The following SLC36A1 variants were observed in gnomAD, a reference collection of about 807,000 sequenced individuals.
The protein encoded by SLC36A1 is proton-coupled amino acid transporter 1.
SLC36A1 carries 30 observed loss-of-function variants against 47.5 expected under a neutral mutation model. That is an observed-to-expected ratio of 0.63 (90% CI 0.47 to 0.86). The LOEUF (loss-of-function observed/expected upper bound fraction) is 0.86. Among genes scored for constraint, SLC36A1 ranks in the 40% least tolerant of loss-of-function variants. The pLI, the probability that SLC36A1 is intolerant of heterozygous loss-of-function variation, is 0.00. For missense variants in SLC36A1, 517 were observed against 606.0 expected (o/e 0.85, Z 1.54); for synonymous variants, 255 against 249.7 (o/e 1.02, Z -0.20).
At position 151,488,294 on chromosome 5, in the gene SLC36A1, A is replaced by T; in HGVS notation, c.*40A>T. 2 of 1,601,802 alleles carry T rather than the reference A, an allele frequency of 1.2e-6. No individual in the cohort carries two copies. Among genetic ancestry groups the T allele is most frequent in the Admixed American group, 1.7e-5 (1 of 59,372 alleles). ...CTCTGCAGCTGCCTACCCCTGCCCCATGTGTCCCCCGTTACCTGTCCTCAG... is the reference window on the plus strand; with the variant it reads ...CTCTGCAGCTGCCTACCCCTGCCCCTTGTGTCCCCCGTTACCTGTCCTCAG... On this transcript the variant is annotated 3_prime_UTR_variant, in exon 11 of 11. Coordinates refer to ENST00000243389, the MANE Select transcript of SLC36A1 (RefSeq NM_078483.4).
the SLC36A1 span, among the ~76,000 whole-genome samples, chr5:151,537,130 A>G: frequency 6.6e-6 from 1 of 152,060 alleles, no homozygotes; most frequent in Non-Finnish European, 1.5e-5. Context: ...TCCCATAGCT[A>G]GCAAAAAGAC....
rs1759843869 is a variant in SLC36A1, at chr5:151,488,440, A to G, written c.*186A>G. ...GGGCAGGGGAGAGGTGGGGTGGCAGACACGCAGAAGTGCTACTAGTGACAG... is the reference window on the plus strand; with the variant it reads ...GGGCAGGGGAGAGGTGGGGTGGCAGGCACGCAGAAGTGCTACTAGTGACAG... On this transcript the variant is annotated 3_prime_UTR_variant, in exon 11 of 11. Transcript: ENST00000243389. 5 of 719,804 alleles carry G rather than the reference A, an allele frequency of 6.9e-6. No individual in the cohort carries two copies. The highest frequency in any genetic ancestry group is 9.0e-6 in the Non-Finnish European group (4 of 446,730). The allele number at this position is 719,804 out of a possible 1,614,324, so 44.6% of individuals were successfully genotyped here.
intron 7 of SLC36A1, among the ~76,000 whole-genome samples, chr5:151,473,147 C>G (rs1757545875): frequency 6.6e-6 from 1 of 151,882 alleles, no homozygotes; most frequent in African/African-American, 2.4e-5. Context: ...TGCACGCCAG[C>G]CTGGGTGACA....
rs1756127043 is a variant in SLC36A1 at position 151,465,000 on chromosome 5, G to A, written c.324-74G>A. On this transcript the variant is annotated intron_variant, in intron 4 of 10. Coordinates refer to ENST00000243389, the MANE Select transcript of SLC36A1 (RefSeq NM_078483.4). ...GATGGGAACTGGCCCAGGTCTCAGT[G>A]GCTCTTTTTGTTCTGTCATTGTCAT... 4 of 1,195,494 alleles carry A rather than the reference G, an allele frequency of 3.3e-6. No homozygotes were observed. In the South Asian group the frequency reaches 4.9e-5, roughly 15 times the overall value. The allele number at this position is 1,195,494 out of a possible 1,614,324, so 74.1% of individuals were successfully genotyped here. A position where few individuals can be genotyped will look rare whatever the true frequency, so the allele number is the denominator to read the frequency against.
At chr5:151,507,865 G>C in the SLC36A1 span, among the ~76,000 whole-genome samples, 1 of 152,166 alleles carries the variant, frequency 6.6e-6, no homozygotes, top group Non-Finnish European at 1.5e-5. Flanking sequence ...CCAGCAATGA[G>C]ATCTAGGCAC....
the SLC36A1 span, among the ~76,000 whole-genome samples, chr5:151,429,208 A>AAAT: frequency 5.9e-5 from 9 of 151,656 alleles, no homozygotes; most frequent in African/African-American, 9.7e-5. Flanking sequence ...ATTTTTTAAA[A>AAAT]TTTTTTTTAT....
chr5:151,459,613 A>G (rs1034491194), intron 2 of SLC36A1, among the ~76,000 whole-genome samples: 29 of 152,232 alleles, frequency 1.9e-4, no homozygotes, highest in African/African-American at 6.8e-4. Flanking sequence ...CCATTGAGTT[A>G]GTTTCCCAGC....
chr5:151,479,501 A>G lies in SLC36A1; in HGVS notation c.1159+12A>G, dbSNP rs770422407. 5.0e-6 allele frequency: 8 copies of G among 1,607,044 alleles called. No homozygotes were observed. The highest frequency in any genetic ancestry group is 6.8e-6 in the Non-Finnish European group (8 of 1,174,682). On this transcript the variant is annotated intron_variant, in intron 10 of 10. Transcript: ENST00000243389. ...GGTCTGCCTGACATGTGAGTAGAAGATGATAATTGCCTTGCTTGTTTTTCC... is the reference window on the plus strand; with the variant it reads ...GGTCTGCCTGACATGTGAGTAGAAGGTGATAATTGCCTTGCTTGTTTTTCC...
chr5:151,475,426 A>G (rs1290094471), intron 8 of SLC36A1, among the ~76,000 whole-genome samples: 1 of 152,222 alleles, frequency 6.6e-6, no homozygotes, highest in Non-Finnish European at 1.5e-5. Context: ...TTTTTACAAT[A>G]GAGAGAGAAC....
chr5:151,350,970 T>G, the SLC36A1 span, among the ~76,000 whole-genome samples: 1 of 152,120 alleles, frequency 6.6e-6, no homozygotes, highest in Non-Finnish European at 1.5e-5. Context: ...AAGGACAATG[T>G]TTTTAATGCT....
intron 5 of SLC36A1, among the ~76,000 whole-genome samples, chr5:151,465,598 A>G (rs1369474973): frequency 6.6e-6 from 1 of 152,200 alleles, no homozygotes. Context: ...GGAAAAAGAA[A>G]TGTGGGAAGA....
the SLC36A1 span, among the ~76,000 whole-genome samples, chr5:151,533,393 AACACAC>A: frequency 0.021 from 2,780 of 132,146 alleles, 27 homozygotes; most frequent in Middle Eastern, 0.031. Flanking sequence ...TGTTATCTCC[AACACAC>A]ACACACACAC....
At chr5:151,475,743 T>A (rs1328378890) in intron 8 of SLC36A1, among the ~76,000 whole-genome samples, 1 of 152,208 alleles carries the variant, frequency 6.6e-6, no homozygotes, top group Non-Finnish European at 1.5e-5. Context: ...AGACCTATTG[T>A]GCCTCATGGC....
chr5:151,347,588 G>A, the SLC36A1 span: 16 of 1,201,476 alleles, frequency 1.3e-5, no homozygotes, highest in South Asian at 2.1e-4. Context: ...CTCTGGCCAA[G>A]CTGGAACGAG....
chr5:151,467,080 A>G (rs1049077180), intron 5 of SLC36A1, 119 bp from the exon 6 acceptor site: 20 of 747,230 alleles, frequency 2.7e-5, no homozygotes, highest in Non-Finnish European at 6.8e-6. Context: ...TCCATTTAAC[A>G]AAACAGCACT....
At chr5:151,458,312 G>GTGTGTGTA (rs1491228584) in intron 1 of SLC36A1, among the ~76,000 whole-genome samples, 19 of 111,230 alleles carry the variant, frequency 1.7e-4, no homozygotes, top group East Asian at 6.9e-4. Context: ...GTGTATATAC[G>GTGTGTGTA]TATATATATA....
At chr5:151,445,229 T>C (rs1395375126), upstream of SLC36A1, among the ~76,000 whole-genome samples, 7 of 152,328 alleles carry the variant, frequency 4.6e-5, no homozygotes, top group East Asian at 1.2e-3. Flanking sequence ...GCCAGGCCAA[T>C]TGAGATAACC....
the SLC36A1 span, among the ~76,000 whole-genome samples, chr5:151,397,163 G>A: frequency 2.4e-3 from 361 of 152,276 alleles, 3 homozygotes; most frequent in African/African-American, 8.2e-3. Context: ...GCACATGATC[G>A]TTATACCAGC....
the SLC36A1 span, among the ~76,000 whole-genome samples, chr5:151,416,574 T>G: frequency 1.3e-5 from 2 of 152,196 alleles, no homozygotes; most frequent in African/African-American, 4.8e-5. Context: ...TTATTCAATC[T>G]GTTGCCACCT....
Sources: gnomAD v4.1 joint callset for allele counts (sites outside exome capture counted in the v4.1 genomes callset) on GRCh38, gnomAD v4.1.1 for gene constraint, MANE v1.5 for transcripts, NCBI Gene and HGNC (gene_info 2026-07-23, HGNC 2026-07-21) for gene names.